The following IARS1 variants were observed in gnomAD, a reference collection of about 807,000 sequenced individuals.
The protein encoded by IARS1 is isoleucine--tRNA ligase, cytoplasmic.
In IARS1, 124 loss-of-function variants were observed where a neutral mutation model predicts 168.2. The observed-to-expected ratio is 0.74, with a 90% CI of 0.64 to 0.86. IARS1 has a LOEUF of 0.86. Among genes scored for constraint, IARS1 ranks in the 40% least tolerant of loss-of-function variants. The pLI is 0.00. For missense variants in IARS1, 1,452 were observed against 1,515.8 expected (o/e 0.96, Z 0.70); for synonymous variants, 532 against 529.4 (o/e 1.00, Z -0.07).
chr9:92,254,044 A>G (rs1341415234), intron 20 of IARS1, among the ~76,000 whole-genome samples: 1 of 152,216 alleles, frequency 6.6e-6, no homozygotes, highest in East Asian at 1.9e-4. Flanking sequence ...GCTCAGTTAT[A>G]AAGCACAGCA....
Position 92,223,388 on chromosome 9 carries a change from AAAG to A in IARS1, c.3508_3510del (p.Leu1170del). The A allele has an allele frequency of 1.9e-6, 3 of 1,613,926 alleles. No homozygotes were observed. The East Asian group carries it at 6.7e-5, about 36-fold the overall frequency. On this transcript the variant is annotated inframe_deletion, in exon 32 of 34. Coordinates refer to ENST00000443024, the MANE Select transcript of IARS1 (RefSeq NM_002161.6). ...AGGAGCTGTAGGTTGATATACTGAC[AAAG>A]AAGAGTACTAGAACTGTTGATCAGA...
At chr9:92,277,199 TTGGCCAGGCACGG>T (rs1446968355) in intron 9 of IARS1, among the ~76,000 whole-genome samples, 2 of 152,136 alleles carry the variant, frequency 1.3e-5, no homozygotes, top group Non-Finnish European at 2.9e-5. Context: ...AAATCCCAGC[TTGGCCAGGCACGG>T]TGGCTCACAA....
chr9:92,268,327 T>C, intron 13 of IARS1, 27 bp from the exon 14 acceptor site: 1 of 1,599,506 alleles, frequency 6.3e-7, no homozygotes, highest in Non-Finnish European at 8.5e-7. Context: ...ACATAACCAA[T>C]CACATAAAAA....
At chr9:92,211,320 G>C (rs1234187633) in intron 33 of IARS1, among the ~76,000 whole-genome samples, 1 of 152,048 alleles carries the variant, frequency 6.6e-6, no homozygotes, top group East Asian at 1.9e-4. Context: ...TAAGGGATGA[G>C]AGGAAGAAAC....
intron 21 of IARS1, among the ~76,000 whole-genome samples, 176 bp downstream of exon 21, chr9:92,253,186 C>A (rs1830257936): frequency 6.6e-6 from 1 of 152,012 alleles, no homozygotes; most frequent in African/African-American, 2.4e-5. Context: ...ACTTATAGAT[C>A]CCTATCCCTC....
chr9:92,246,860 A>T (rs1227452895), intron 26 of IARS1, among the ~76,000 whole-genome samples: 1 of 152,206 alleles, frequency 6.6e-6, no homozygotes, highest in East Asian at 1.9e-4. Flanking sequence ...AGAATTATTT[A>T]TAATAAACAT....
At position 92,288,259 on chromosome 9, in the gene IARS1, G is replaced by C. The variant is rs1378917624; in HGVS notation, c.143C>G (p.Pro48Arg). 2 of 1,613,978 alleles carry C rather than the reference G, an allele frequency of 1.2e-6. No homozygotes were observed. Among genetic ancestry groups the C allele is most frequent in the Non-Finnish European group, 1.7e-6 (2 of 1,179,946 alleles). Reference protein sequence around the residue: ...KPKFTFYDGPPFATGLPHYGH... With the variant: ...KPKFTFYDGPRFATGLPHYGH... Reference sequence around the variant, plus strand: ...ATAGTGAGGCAGTCCAGTTGCAAAAGGAGGACCATCATAGAAGGTAAATCT... The same window carrying C: ...ATAGTGAGGCAGTCCAGTTGCAAAACGAGGACCATCATAGAAGGTAAATCT... Residue 48 changes from proline (P) to arginine (R), a missense_variant, in exon 3 of 34, where the codon CCT becomes CGT. Coordinates refer to ENST00000443024, the MANE Select transcript of IARS1 (RefSeq NM_002161.6).
At chr9:92,227,853 T>G (rs1003058308) in intron 31 of IARS1, among the ~76,000 whole-genome samples, 1 of 142,514 alleles carries the variant, frequency 7.0e-6, no homozygotes, top group East Asian at 2.2e-4. Flanking sequence ...CTTTCCAGAC[T>G]GGGCAGCCAG....
chr9:92,282,858 A>ATT (rs1267921507), intron 6 of IARS1, among the ~76,000 whole-genome samples: 15 of 141,118 alleles, frequency 1.1e-4, no homozygotes, highest in South Asian at 4.7e-4. Context: ...ATATATATAT[A>ATT]TATTTTTTTT....
chr9:92,289,489 T>C lies in IARS1; in HGVS notation c.-7-63A>G. On this transcript the variant is annotated intron_variant, in intron 1 of 33. Coordinates refer to ENST00000443024, the MANE Select transcript of IARS1 (RefSeq NM_002161.6). The stretch of plus-strand genomic sequence containing the variant: ...AATCTAGGAATAACAGAGTACCATA[T>C]TATTAACATGGGTGTACATGACACT... The C allele has an allele frequency of 2.0e-5, 15 of 769,110 alleles. No individual in the cohort carries two copies. The South Asian group carries it at 2.0e-4, about 10-fold the overall frequency. The allele number at this position is 769,110 out of a possible 1,614,324, so 47.6% of individuals were successfully genotyped here. A position where few individuals can be genotyped will look rare whatever the true frequency, so the allele number is the denominator to read the frequency against.
chr9:92,274,406 G>C lies in IARS1; in HGVS notation c.990+20C>G. On this transcript the variant is annotated intron_variant, in intron 10 of 33. Transcript: ENST00000443024. ...GCTACCGACATACTCAAATACATTT[G>C]CCAGACTTATGCTACTCACAGCACC... 1 of 1,585,408 alleles carries C rather than the reference G, an allele frequency of 6.3e-7. No individual in the cohort carries two copies. The highest frequency in any genetic ancestry group is 1.3e-5 in the African/African-American group (1 of 74,472).
intron 17 of IARS1, among the ~76,000 whole-genome samples, 165 bp from the exon 18 acceptor site, chr9:92,260,399 T>C (rs1831356218): frequency 6.6e-6 from 1 of 152,198 alleles, no homozygotes; most frequent in Non-Finnish European, 1.5e-5. Flanking sequence ...CTCACTCCTG[T>C]AATCCCAGCA....
At chr9:92,246,290 T>C (rs1414125885) in intron 26 of IARS1, among the ~76,000 whole-genome samples, 1 of 152,158 alleles carries the variant, frequency 6.6e-6, no homozygotes, top group East Asian at 1.9e-4. Context: ...AATCCTCAAA[T>C]CTCTCTTCTC....
At chr9:92,255,953 T>A (rs1199754039) in intron 20 of IARS1, among the ~76,000 whole-genome samples, 2 of 152,102 alleles carry the variant, frequency 1.3e-5, no homozygotes, top group Admixed American at 1.3e-4. Flanking sequence ...GATATGACTA[T>A]TACACACTGT....
At chr9:92,212,030 T>C (rs991976474) in intron 33 of IARS1, among the ~76,000 whole-genome samples, 2 of 152,230 alleles carry the variant, frequency 1.3e-5, no homozygotes, top group Admixed American at 6.5e-5. Context: ...ATTTTGCTTC[T>C]AGTCAGATCT....
At chr9:92,246,174 T>C (rs988179566) in intron 26 of IARS1, among the ~76,000 whole-genome samples, 9 of 152,230 alleles carry the variant, frequency 5.9e-5, no homozygotes, top group African/African-American at 1.9e-4. Context: ...TTGAGTTGAT[T>C]AGTAATTAGT....
At chr9:92,225,151 G>A (rs1825461237) in intron 31 of IARS1, among the ~76,000 whole-genome samples, 1 of 152,210 alleles carries the variant, frequency 6.6e-6, no homozygotes, top group Non-Finnish European at 1.5e-5. Flanking sequence ...AAAAGGCAGT[G>A]CTTTGGTCTT....
intron 33 of IARS1, among the ~76,000 whole-genome samples, chr9:92,216,591 A>C (rs1348910911): frequency 1.7e-3 from 227 of 132,940 alleles, no homozygotes; most frequent in African/African-American, 6.1e-3. Context: ...TACCAAGCAA[A>C]TGGAAAACAA....
rs146926129 is a variant in IARS1 at position 92,285,718 on chromosome 9, G to A, written c.597+4C>T. The A allele has an allele frequency of 9.0e-6, 14 of 1,549,964 alleles. No individual in the cohort carries two copies. Among genetic ancestry groups the A allele is most frequent in the African/African-American group, 5.4e-5 (4 of 73,732 alleles). On this transcript the variant is annotated splice_donor_region_variant and intron_variant, in intron 6 of 33. Coordinates refer to ENST00000443024, the MANE Select transcript of IARS1 (RefSeq NM_002161.6). ...GCTGAATAATGTCTCTACATTTCAC[G>A]TACCTTATAATTCTGGTGTGACTCG...
Sources: gnomAD v4.1 joint callset for allele counts (sites outside exome capture counted in the v4.1 genomes callset) on GRCh38, gnomAD v4.1.1 for gene constraint, MANE v1.5 for transcripts, NCBI Gene and HGNC (gene_info 2026-07-23, HGNC 2026-07-21) for gene names.